Variants in ETF1 observed in about 807,000 individuals in gnomAD.
ETF1 encodes the protein eukaryotic peptide chain release factor subunit 1.
In ETF1, 4 loss-of-function variants were observed where a neutral mutation model predicts 55.1. That is an observed-to-expected ratio of 0.07 (90% confidence interval 0.04 to 0.17). ETF1 has a LOEUF of 0.17. Ranked by LOEUF, ETF1 falls within the 10% of genes least tolerant of loss-of-function variation. The probability of loss-of-function intolerance (pLI) is 1.00; values close to 1 mark genes in which losing one functional copy is unlikely to be tolerated. For synonymous variants in ETF1, 157 were observed against 182.3 expected, an observed-to-expected ratio of 0.86 and a Z score of 1.12; for missense variants, 142 against 523.6, an observed-to-expected ratio of 0.27 and a Z score of 7.11.
intron 6 of ETF1, 81 bp from the exon 7 acceptor site, chr5:138,511,685 A>G: frequency 6.8e-7 from 1 of 1,475,402 alleles, no homozygotes; most frequent in Non-Finnish European, 9.0e-7. Flanking sequence ...CAAACCCACT[A>G]ACTCTTAATG....
intron 2 of ETF1, chr5:138,542,490 A>C (rs531257978): frequency 4.1e-6 from 2 of 493,678 alleles, no homozygotes; most frequent in African/African-American, 4.1e-5. Context: ...ACACTTTGCC[A>C]CAATAGCACC....
At chr5:138,529,655 A>C in intron 2 of ETF1, 4 of 985,364 alleles carry the variant, frequency 4.1e-6, no homozygotes, top group Middle Eastern at 5.2e-4. Context: ...GCTTTCATCA[A>C]TGCTTCGCCC....
chr5:138,510,188 T>C (rs186500696), intron 9 of ETF1, among the ~76,000 whole-genome samples: 1 of 151,000 alleles, frequency 6.6e-6, no homozygotes, highest in Non-Finnish European at 1.5e-5. Flanking sequence ...TGAAAACGCC[T>C]CTCTACAAAA....
chr5:138,513,064 A>G (rs1764879052), intron 5 of ETF1, 110 bp from the exon 6 acceptor site: 1 of 1,392,588 alleles, frequency 7.2e-7, no homozygotes, highest in Non-Finnish European at 9.2e-7. Flanking sequence ...ACAAAGAAAA[A>G]TCACCATTCC....
intron 2 of ETF1, among the ~76,000 whole-genome samples, chr5:138,529,962 C>T (rs960725794): frequency 1.3e-5 from 2 of 152,050 alleles, no homozygotes; most frequent in African/African-American, 4.8e-5. Flanking sequence ...AGGCTGGTCA[C>T]GAACTCTTGG....
intron 2 of ETF1, among the ~76,000 whole-genome samples, chr5:138,524,162 G>A (rs1232064830): frequency 6.6e-6 from 1 of 151,268 alleles, no homozygotes; most frequent in African/African-American, 2.4e-5. Flanking sequence ...CTGCACTCCA[G>A]CTTGGGTGAC....
intron 5 of ETF1, chr5:138,513,248 T>C (rs1233037927): frequency 3.1e-6 from 3 of 978,566 alleles, no homozygotes; most frequent in East Asian, 2.3e-4. Flanking sequence ...TCTCTCTTTT[T>C]TGAGACAGAG....
chr5:138,510,685 T>C, intron 8 of ETF1, 56 bp from the exon 9 acceptor site: 5 of 1,596,704 alleles, frequency 3.1e-6, no homozygotes, highest in Non-Finnish European at 4.3e-6. Flanking sequence ...CTAATCTGTG[T>C]AAGCTCCATA....
rs138202126 is a variant in ETF1, at chr5:138,520,357, C to T, written c.87-1490G>A. Among the ~76,000 whole-genome samples, 7 of 152,276 alleles carry T rather than the reference C, an allele frequency of 4.6e-5. No homozygotes were observed. In the East Asian group the frequency reaches 1.3e-3, roughly 29 times the overall value. On this transcript the variant is annotated intron_variant, in intron 2 of 10. Transcript: ENST00000360541. ...AAAATCTAAAGGAAATGGGTAAATA[C>T]CATCAAGGCCCTGCCACATGGGAGG...
chr5:138,517,096 C>T (rs918998997), intron 4 of ETF1, among the ~76,000 whole-genome samples: 3 of 152,044 alleles, frequency 2.0e-5, no homozygotes, highest in Admixed American at 6.6e-5. Flanking sequence ...CCAGGCTGGG[C>T]GGGGTTGCTC....
Position 138,511,403 on chromosome 5 carries a change from TACACACACACACAC to T in ETF1, c.862+58_862+71del, listed in dbSNP as rs71574422. 0.012 allele frequency: 11,423 copies of T among 968,178 alleles called. 437 individuals carry two copies. The East Asian group carries it at 0.25, about 22-fold the overall frequency. The allele number at this position is 968,178 out of a possible 1,614,324, so 60.0% of individuals were successfully genotyped here. ...AATCACGTACATACACACACACACA[TACACACACACACAC>T]ACACACACACACACACGAAAACATT... On this transcript the variant is annotated intron_variant, in intron 7 of 10. Coordinates refer to ENST00000360541, the MANE Select transcript of ETF1 (RefSeq NM_004730.4).
intron 2 of ETF1, chr5:138,541,806 C>T: frequency 4.0e-6 from 2 of 501,458 alleles, no homozygotes; most frequent in South Asian, 3.9e-5. Context: ...GTTTCTATGA[C>T]TGGGAAAGGA....
intron 2 of ETF1, among the ~76,000 whole-genome samples, chr5:138,535,249 C>T (rs957386145): frequency 2.0e-5 from 3 of 151,940 alleles, no homozygotes; most frequent in African/African-American, 7.3e-5. Flanking sequence ...CATACCCAGC[C>T]AATGTTACCT....
intron 2 of ETF1, among the ~76,000 whole-genome samples, chr5:138,526,070 T>C (rs932427320): frequency 2.0e-5 from 3 of 151,966 alleles, no homozygotes; most frequent in African/African-American, 7.3e-5. Context: ...CCTTAAAGGG[T>C]ATATAAGTTT....
At chr5:138,513,134 T>C (rs1764881211) in intron 5 of ETF1, 180 bp from the exon 6 acceptor site, 3 of 985,356 alleles carry the variant, frequency 3.0e-6, no homozygotes, top group Non-Finnish European at 3.6e-6. Context: ...ACTAAGTCTA[T>C]GTCAAGAGAG....
At position 138,543,170 on chromosome 5, in the gene ETF1, T is replaced by C; in HGVS notation, c.-92A>G. The C allele has an allele frequency of 1.7e-6, 1 of 571,986 alleles. No individual in the cohort carries two copies. Among genetic ancestry groups the C allele is most frequent in the Non-Finnish European group, 3.1e-6 (1 of 324,480 alleles). The allele number at this position is 571,986 out of a possible 1,614,324, so 35.4% of individuals were successfully genotyped here. On this transcript the variant is annotated 5_prime_UTR_variant, in exon 1 of 11. Transcript: ENST00000360541. Reference sequence around the variant, plus strand: ...CTCCGCGGCGGCGGCGGCTCTGACGTAGGACACCGGCTCCCTCTCTCCAGG... The same window carrying C: ...CTCCGCGGCGGCGGCGGCTCTGACGCAGGACACCGGCTCCCTCTCTCCAGG...
intron 2 of ETF1, among the ~76,000 whole-genome samples, chr5:138,540,495 T>C (rs559684116): frequency 2.0e-5 from 3 of 152,314 alleles, no homozygotes; most frequent in Admixed American, 6.5e-5. Flanking sequence ...AGTCTGACTT[T>C]AACACAAGTT....
intron 2 of ETF1, among the ~76,000 whole-genome samples, chr5:138,524,797 T>G (rs560377879): frequency 6.6e-6 from 1 of 151,802 alleles, no homozygotes; most frequent in Non-Finnish European, 1.5e-5. Flanking sequence ...AGGATGGTCT[T>G]GATCTCCTGA....
At chr5:138,538,656 CA>C (rs1766048627) in intron 2 of ETF1, among the ~76,000 whole-genome samples, 1 of 151,246 alleles carries the variant, frequency 6.6e-6, no homozygotes, top group African/African-American at 2.4e-5. Context: ...ACCAGCCCTT[CA>C]ACGATAGTGA....
Sources: allele counts gnomAD v4.1 joint callset (sites outside exome capture counted in the v4.1 genomes callset), GRCh38; gene constraint gnomAD v4.1.1; transcripts MANE v1.5; gene names NCBI Gene and HGNC (gene_info 2026-07-23, HGNC 2026-07-21).